CYB5R2: variants seen among roughly 807,000 people sequenced by gnomAD.
The protein encoded by CYB5R2 is NADH-cytochrome b5 reductase 2.
In CYB5R2, 35 loss-of-function variants were observed where a neutral mutation model predicts 29.8. The ratio of observed to expected loss-of-function variants is 1.17; its 90% confidence interval spans 0.90 to 1.56. The LOEUF is 1.56. CYB5R2 is among the 40% of genes most tolerant of loss of function. The pLI, the probability that CYB5R2 is intolerant of heterozygous loss-of-function variation, is 0.00. For missense variants in CYB5R2, 419 were observed against 346.7 expected (o/e 1.21, Z -1.66); for synonymous variants, 169 against 130.6 (o/e 1.29, Z -2.01).
intron 1 of CYB5R2, 160 bp from the exon 2 acceptor site, chr11:7,673,051 G>T: frequency 2.9e-6 from 2 of 693,040 alleles, no homozygotes; most frequent in South Asian, 1.8e-5. Context: ...AGGCGGCTGG[G>T]AGAGCCTGTC....
In CYB5R2 at chr11:7,665,453, G is replaced by A. The variant is rs143187886; in HGVS notation, c.752C>T (p.Pro251Leu). The change falls in exon 9 of 9, where the codon CCG becomes CTG. Residue 251 changes from proline (P) to leucine (L), a missense_variant. Coordinates refer to ENST00000299498, the MANE Select transcript of CYB5R2 (RefSeq NM_016229.5). ...AKSTLILVCG[P>L]PPLIQTAAHP... ...AGCCGCCGTCTGGATTAGTGGTGGC[G>A]GGCCACACACCAGGATGAGCGTGGA... The A allele has an allele frequency of 2.1e-5, 34 of 1,613,534 alleles. No homozygotes were observed. The highest frequency in any genetic ancestry group is 1.6e-4 in the Middle Eastern group (1 of 6,082).
At chr11:7,674,259 C>T (rs945329965), upstream of CYB5R2, 3 of 1,018,168 alleles carry the variant, frequency 2.9e-6, no homozygotes, top group Non-Finnish European at 4.0e-6. Flanking sequence ...TGGTCCGGGG[C>T]GGGTGTTTGC....
chr11:7,666,629 C>A (rs1225116178), intron 7 of CYB5R2, 79 bp from the exon 8 acceptor site: 2 of 1,050,724 alleles, frequency 1.9e-6, no homozygotes, highest in African/African-American at 1.6e-5. Context: ...GGTCAGCATA[C>A]TCCTGGCCAA....
At chr11:7,668,728 G>A in intron 5 of CYB5R2, 167 bp from the exon 6 acceptor site, 1 of 659,054 alleles carries the variant, frequency 1.5e-6, no homozygotes, top group Non-Finnish European at 2.7e-6. Context: ...GCTAGCCCTG[G>A]TGCTCCAGTG....
intron 3 of CYB5R2, chr11:7,670,428 C>T (rs1452493705): frequency 1.3e-5 from 2 of 152,278 alleles, no homozygotes; most frequent in Non-Finnish European, 2.9e-5. Flanking sequence ...CTCCTTTCTT[C>T]CTAAACTGGA....
chr11:7,666,896 C>A (rs1855294441), intron 7 of CYB5R2: 1 of 196,770 alleles, frequency 5.1e-6, no homozygotes, highest in African/African-American at 2.3e-5. Flanking sequence ...AGCTCTAGCA[C>A]AGCAAACCTA....
chr11:7,667,822 CAGTG>C lies in CYB5R2; in HGVS notation c.473-13_473-10del, dbSNP rs766298613. On this transcript the variant is annotated splice_polypyrimidine_tract_variant and intron_variant, in intron 6 of 8. Transcript: ENST00000299498. ...CAACATGGGTGTGATGCCTGGAACA[CAGTG>C]AGCGAGCAGCCAGCTTTCTCCCTGT... 72 of 1,613,264 alleles carry C rather than the reference CAGTG, an allele frequency of 4.5e-5. No individual in the cohort carries two copies. Among genetic ancestry groups the C allele is most frequent in the Admixed American group, 6.7e-5 (4 of 60,002 alleles).
upstream of CYB5R2, chr11:7,673,684 A>G: frequency 1.0e-6 from 1 of 984,676 alleles, no homozygotes; most frequent in Middle Eastern, 5.2e-4. Context: ...TATTTCTTCA[A>G]TACTCCATAA....
chr11:7,673,553 G>A (rs1168119488), upstream of CYB5R2: 3 of 982,112 alleles, frequency 3.1e-6, no homozygotes, highest in African/African-American at 3.5e-5. Context: ...TCGCGGTCCC[G>A]CCCACGACCT....
upstream of CYB5R2, chr11:7,673,600 G>A: frequency 1.0e-6 from 1 of 985,364 alleles, no homozygotes; most frequent in South Asian, 4.7e-5. Flanking sequence ...CAACCTCCCG[G>A]TCGGACGTTC....
intron 8 of CYB5R2, 127 bp from the exon 9 acceptor site, chr11:7,665,673 T>C (rs914194155): frequency 4.2e-6 from 5 of 1,189,184 alleles, no homozygotes; most frequent in South Asian, 3.1e-5. Flanking sequence ...CTTAGAAGTC[T>C]GTACTACTGC....
At chr11:7,668,773 G>T in intron 5 of CYB5R2, 1 of 608,724 alleles carries the variant, frequency 1.6e-6, no homozygotes, top group Non-Finnish European at 2.9e-6. Context: ...CTTGGTCGGG[G>T]AATCGCCGGG....
intron 8 of CYB5R2, 138 bp downstream of exon 8, chr11:7,666,313 T>A: frequency 1.6e-6 from 1 of 629,870 alleles, no homozygotes; most frequent in Non-Finnish European, 2.8e-6. Context: ...ACATTTCCCA[T>A]CTGGAGCCAG....
Position 7,669,607 on chromosome 11 carries a change from A to C in CYB5R2, c.258+18T>G. The C allele has an allele frequency of 6.4e-7, 1 of 1,552,438 alleles. No homozygotes were observed. The highest frequency in any genetic ancestry group is 8.7e-7 in the Non-Finnish European group (1 of 1,144,664). The stretch of plus-strand genomic sequence containing the variant: ...GCTTGGAAGCACGAGCTAGCCAGAT[A>C]TGGTGGGCACTATTTACCTTTATAA... On this transcript the variant is annotated intron_variant, in intron 4 of 8. Coordinates refer to ENST00000299498, the MANE Select transcript of CYB5R2 (RefSeq NM_016229.5).
chr11:7,673,523 C>A, upstream of CYB5R2: 2 of 985,714 alleles, frequency 2.0e-6, no homozygotes, highest in Non-Finnish European at 2.4e-6. Flanking sequence ...TCCGAGCCGG[C>A]CCGCCCCACT....
Position 7,665,357 on chromosome 11 carries a change from C to G in CYB5R2, c.*17G>C. 2.0e-6 allele frequency: 3 copies of G among 1,485,414 alleles called. No homozygotes were observed. The highest frequency in any genetic ancestry group is 2.7e-6 in the Non-Finnish European group (3 of 1,114,672). 92.0% of individuals were successfully genotyped at this position (1,485,414 alleles called of 1,614,324 possible). ...AGATGAAAAGGGACATGCAAAATTG[C>G]TGAGCACGTGGAGGTGTTAGTAGGT... On this transcript the variant is annotated 3_prime_UTR_variant, in exon 9 of 9. Transcript: ENST00000299498.
rs1392699678 is a variant in CYB5R2, at chr11:7,673,430, G to A, written c.-78C>T. 7.1e-6 allele frequency: 7 copies of A among 987,878 alleles called. No homozygotes were observed. The highest frequency in any genetic ancestry group is 8.4e-6 in the Non-Finnish European group (7 of 831,540). 61.2% of individuals were successfully genotyped at this position (987,878 alleles called of 1,614,324 possible). On this transcript the variant is annotated 5_prime_UTR_variant, in exon 1 of 9. Transcript: ENST00000299498. ...GCATCTGTCCCTACCCTACAAGGCC[G>A]CCCTGCTCCTCTCCCAACTCAAGCC...
intron 8 of CYB5R2, chr11:7,666,049 G>A: frequency 2.6e-6 from 2 of 766,136 alleles, no homozygotes; most frequent in South Asian, 3.2e-5. Flanking sequence ...CTGTCTGGGG[G>A]CTCAGCATGT....
Position 7,669,702 on chromosome 11 carries a change from C to A in CYB5R2, c.181G>T (p.Asp61Tyr), listed in dbSNP as rs202073796. The A allele has an allele frequency of 6.2e-7, 1 of 1,614,056 alleles. No individual in the cohort carries two copies. Among genetic ancestry groups the A allele is most frequent in the Non-Finnish European group, 8.5e-7 (1 of 1,179,980 alleles). ...GNYVQLLAKI[D>Y]NELVVRAYTP... ...TAAGCCCTGACCACCAATTCATTATCGATTTTTGCCAAGAGCTGGACATAG... is the reference window on the plus strand; with the variant it reads ...TAAGCCCTGACCACCAATTCATTATAGATTTTTGCCAAGAGCTGGACATAG... Residue 61 changes from aspartate to tyrosine, a missense_variant, in exon 4 of 9, where the codon GAT becomes TAT. Transcript: ENST00000299498.
Sources: gnomAD v4.1 joint callset for allele counts on GRCh38, gnomAD v4.1.1 for gene constraint, MANE v1.5 for transcripts, NCBI Gene and HGNC (gene_info 2026-07-23, HGNC 2026-07-21) for gene names.